Variants in BRWD1 observed in about 807,000 individuals in gnomAD.
The protein encoded by BRWD1 is bromodomain and WD repeat domain containing 1.
Under a neutral mutation model 251.2 loss-of-function variants are expected in BRWD1, and 82 were observed. That is an observed-to-expected ratio of 0.33 (90% CI 0.27 to 0.39). BRWD1 has a LOEUF of 0.39. Ranked by LOEUF, BRWD1 falls within the 10% of genes least tolerant of loss-of-function variation. The pLI, the probability that BRWD1 is intolerant of heterozygous loss-of-function variation, is 1.00. For missense variants in BRWD1, 2,233 were observed against 2,711.6 expected (o/e 0.82, Z 3.92); for synonymous variants, 918 against 902.8 (o/e 1.02, Z -0.30).
Position 39,193,881 on chromosome 21 carries a change from G to A in BRWD1, c.*2378C>T. On this transcript the variant is annotated 3_prime_UTR_variant, in exon 41 of 41. Coordinates refer to ENST00000342449, the MANE Select transcript of BRWD1 (RefSeq NM_033656.4). ...TTTCCTTAAAGGTACTTAGGAGTGT[G>A]TGTGTCACATATTCAAAGTTAACCT... 1.0e-6 allele frequency: 1 copy of A among 985,362 alleles called. No homozygotes were observed. The highest frequency in any genetic ancestry group is 1.2e-6 in the Non-Finnish European group (1 of 829,596). 61.0% of individuals were successfully genotyped at this position (985,362 alleles called of 1,614,324 possible).
intron 40 of BRWD1, 69 bp downstream of exon 40, chr21:39,198,694 A>G (rs2031948635): frequency 7.1e-7 from 1 of 1,398,752 alleles, no homozygotes; most frequent in Admixed American, 2.6e-5. Context: ...GGGGGGAAAA[A>G]ACCAATGTGT....
chr21:39,224,661 T>A (rs2033310123), intron 28 of BRWD1, among the ~76,000 whole-genome samples, 192 bp from the exon 29 acceptor site: 1 of 152,172 alleles, frequency 6.6e-6, no homozygotes, highest in Non-Finnish European at 1.5e-5. Flanking sequence ...CCAGAAATCC[T>A]ATGTGGCCTG....
chr21:39,217,083 ATTTTTTTTTTT>A (rs1160265618), intron 31 of BRWD1: 4 of 28,900 alleles, frequency 1.4e-4, no homozygotes, highest in African/African-American at 5.6e-4. Context: ...ATATATATAT[ATTTTTTTTTTT>A]TTTTTTTTTT....
At position 39,285,101 on chromosome 21, in the gene BRWD1, G is replaced by A. The variant is rs570806654; in HGVS notation, c.832-4853C>T. ...ACCCATCTACAGATGAATGAACAAAGAAAATGCCGTGTGTCCGTGTATACA... is the reference window on the plus strand; with the variant it reads ...ACCCATCTACAGATGAATGAACAAAAAAAATGCCGTGTGTCCGTGTATACA... On this transcript the variant is annotated intron_variant, in intron 8 of 40. Coordinates refer to ENST00000342449, the MANE Select transcript of BRWD1 (RefSeq NM_033656.4). 2.0e-5 allele frequency among the ~76,000 whole-genome samples: 3 copies of A among 152,302 alleles called. No individual in the cohort carries two copies. The South Asian group carries it at 6.2e-4, about 32-fold the overall frequency.
chr21:39,302,783 G>A (rs966332964), intron 4 of BRWD1, among the ~76,000 whole-genome samples: 29 of 151,118 alleles, frequency 1.9e-4, no homozygotes, highest in Non-Finnish European at 2.4e-4. Context: ...AGTAAGGCCA[G>A]GCATGGTGGC....
chr21:39,186,955 A>G lies in BRWD1; in HGVS notation c.*9304T>C, dbSNP rs1321805066. On this transcript the variant is annotated 3_prime_UTR_variant, in exon 41 of 41. Transcript: ENST00000342449. ...ATAAGGGAGTAATTTTAGAGCTGGG[A>G]GCAGAATGTAACTGCCAGTTTACTT... is the stretch of plus-strand genomic sequence containing the variant. 1.3e-6 allele frequency: 2 copies of G among 1,499,998 alleles called. No individual in the cohort carries two copies. Among genetic ancestry groups the G allele is most frequent in the Non-Finnish European group, 1.8e-6 (2 of 1,130,068 alleles). The allele number at this position is 1,499,998 out of a possible 1,614,324, so 92.9% of individuals were successfully genotyped here. A position where few individuals can be genotyped will look rare whatever the true frequency, so the allele number is the denominator to read the frequency against.
At position 39,192,401 on chromosome 21, in the gene BRWD1, A is replaced by C; in HGVS notation, c.*3858T>G. On this transcript the variant is annotated 3_prime_UTR_variant, in exon 41 of 41. Coordinates refer to ENST00000342449, the MANE Select transcript of BRWD1 (RefSeq NM_033656.4). ...CCTTCTCTTCCCAAATACTAGGATA[A>C]GAGACAGTCTCAAACTGTTAAGTTG... 1 of 985,252 alleles carries C rather than the reference A, an allele frequency of 1.0e-6. No individual in the cohort carries two copies. The highest frequency in any genetic ancestry group is 1.2e-6 in the Non-Finnish European group (1 of 829,800). The allele number at this position is 985,252 out of a possible 1,614,324, so 61.0% of individuals were successfully genotyped here.
At chr21:39,313,947 G>T (rs1447680076), upstream of BRWD1, 2 of 340,654 alleles carry the variant, frequency 5.9e-6, no homozygotes, top group Non-Finnish European at 1.1e-5. Context: ...GGCGGGTGCC[G>T]GGGGCGGAAG....
rs2031659229 is a variant in BRWD1 at position 39,193,503 on chromosome 21, TG to T, written c.*2755del. On this transcript the variant is annotated 3_prime_UTR_variant, in exon 41 of 41. Transcript: ENST00000342449. ...TTTTTCCTTTATATGCTTGGTAAAG[TG>T]AGTCTTTCCAAGAAAGCAAAAATCA... 5.1e-6 allele frequency: 5 copies of T among 985,294 alleles called. No individual in the cohort carries two copies. The highest frequency in any genetic ancestry group is 6.0e-6 in the Non-Finnish European group (5 of 829,666). 61.0% of individuals were successfully genotyped at this position (985,294 alleles called of 1,614,324 possible).
intron 25 of BRWD1, among the ~76,000 whole-genome samples, chr21:39,231,268 C>T (rs2033605485): frequency 6.6e-6 from 1 of 152,186 alleles, no homozygotes; most frequent in Non-Finnish European, 1.5e-5. Context: ...TTTTGATTGG[C>T]TGCAAATGTT....
intron 1 of BRWD1, among the ~76,000 whole-genome samples, chr21:39,319,832 CTAAT>C (rs2036731151): frequency 6.6e-6 from 1 of 152,194 alleles, no homozygotes; most frequent in South Asian, 2.1e-4. Flanking sequence ...GACTCTCCAC[CTAAT>C]TAATCCTGTC....
In BRWD1 at chr21:39,218,180, G is replaced by A. The variant is rs1242144068; in HGVS notation, c.3631C>T (p.Arg1211Ter). 1.2e-6 allele frequency: 2 copies of A among 1,609,054 alleles called. No homozygotes were observed. The highest frequency in any genetic ancestry group is 1.7e-6 in the Non-Finnish European group (2 of 1,178,692). ...TAAAATCGATTAACAAGTCTCATTCGAATTGTGTAAAGATCGGTTGGATAA... is the reference window on the plus strand; with the variant it reads ...TAAAATCGATTAACAAGTCTCATTCAAATTGTGTAAAGATCGGTTGGATAA... ...VAYPTDLYTI[R>*]MRLVNRFYRR... Residue 1211 changes from arginine (R) to a stop codon, truncating the protein, a stop_gained, in exon 31 of 41, where the codon CGA becomes TGA. Transcript: ENST00000342449. LOFTEE classifies it high-confidence loss of function.
At chr21:39,217,703 A>C (rs2033012999) in intron 31 of BRWD1, among the ~76,000 whole-genome samples, 1 of 152,204 alleles carries the variant, frequency 6.6e-6, no homozygotes, top group African/African-American at 2.4e-5. Context: ...AGAAGGTCTT[A>C]TTGTTCAAAT....
intron 8 of BRWD1, among the ~76,000 whole-genome samples, chr21:39,292,876 T>C (rs2035855665): frequency 6.6e-6 from 1 of 152,236 alleles, no homozygotes; most frequent in Non-Finnish European, 1.5e-5. Context: ...AATACCATTA[T>C]GAGACAACTG....
Position 39,218,145 on chromosome 21 carries a change from T to C in BRWD1, c.3659+7A>G, listed in dbSNP as rs754704049. On this transcript the variant is annotated splice_region_variant and intron_variant, in intron 31 of 40. Coordinates refer to ENST00000342449, the MANE Select transcript of BRWD1 (RefSeq NM_033656.4). Reference sequence around the variant, plus strand: ...TTTAAACATTTTGAAAGCAGGTTTCTACTAACCTGTAAAATCGATTAACAA... The same window carrying C: ...TTTAAACATTTTGAAAGCAGGTTTCCACTAACCTGTAAAATCGATTAACAA... 14 of 1,599,374 alleles carry C rather than the reference T, an allele frequency of 8.8e-6. No homozygotes were observed. The Middle Eastern group carries it at 5.0e-4, about 57-fold the overall frequency.
chr21:39,261,233 T>A (rs1021023165), intron 17 of BRWD1, among the ~76,000 whole-genome samples: 11 of 151,960 alleles, frequency 7.2e-5, no homozygotes, highest in Non-Finnish European at 1.6e-4. Context: ...TCAAAAAAAA[T>A]TTTTTTAATT....
intron 8 of BRWD1, among the ~76,000 whole-genome samples, chr21:39,282,337 T>G (rs1020911907): frequency 1.3e-5 from 2 of 151,996 alleles, no homozygotes. Flanking sequence ...GAAAGCAAAG[T>G]AAGGAAGAAA....
intron 25 of BRWD1, among the ~76,000 whole-genome samples, chr21:39,230,149 A>G (rs1210605895): frequency 6.6e-6 from 1 of 152,218 alleles, no homozygotes. Flanking sequence ...TGCCTAATAC[A>G]TTCAGTAAGT....
intron 36 of BRWD1, among the ~76,000 whole-genome samples, chr21:39,208,385 G>C (rs559788548): frequency 6.6e-6 from 1 of 152,224 alleles, no homozygotes; most frequent in South Asian, 2.1e-4. Context: ...CTGAATCCAA[G>C]AAAGAGTTCT....
Sources: allele counts gnomAD v4.1 joint callset (sites outside exome capture counted in the v4.1 genomes callset), GRCh38; gene constraint gnomAD v4.1.1; transcripts MANE v1.5; gene names NCBI Gene and HGNC (gene_info 2026-07-23, HGNC 2026-07-21).